The following DEPDC4 variants were observed in gnomAD, a reference collection of about 807,000 sequenced individuals.
The protein encoded by DEPDC4 is DEP domain containing 4.
Under a neutral mutation model 52.0 loss-of-function variants are expected in DEPDC4, and 52 were observed. The observed-to-expected ratio is 1.00, with a 90% CI of 0.80 to 1.26. The LOEUF is 1.26. DEPDC4 is among the 50% of genes most tolerant of loss of function. The probability of loss-of-function intolerance (pLI) is 0.00; values close to 1 mark genes in which losing one functional copy is unlikely to be tolerated. For synonymous variants in DEPDC4, 201 were observed against 196.8 expected (o/e 1.02, Z -0.18); for missense variants, 530 against 546.9 (o/e 0.97, Z 0.31).
At chr12:100,262,529 G>A (rs2096257318) in intron 2 of DEPDC4, 120 bp from the exon 3 acceptor site, 4 of 713,696 alleles carry the variant, frequency 5.6e-6, no homozygotes, top group Non-Finnish European at 8.2e-6. Context: ...ACGATTTCAG[G>A]CAGCTTATAA....
chr12:100,241,888 C>G, intron 9 of DEPDC4, 43 bp from the exon 10 acceptor site: 2 of 1,148,060 alleles, frequency 1.7e-6, no homozygotes, highest in Non-Finnish European at 2.2e-6. Flanking sequence ...AAAAGTACCA[C>G]TGGAAAAGCA....
intron 9 of DEPDC4, among the ~76,000 whole-genome samples, chr12:100,232,909 A>ACAAAG (rs1252314911): frequency 1.3e-5 from 2 of 150,368 alleles, no homozygotes; most frequent in African/African-American, 2.5e-5. Context: ...ACAAAACAAA[A>ACAAAG]CAAACACAAA....
chr12:100,275,457 A>G, the DEPDC4 span, among the ~76,000 whole-genome samples: 1 of 152,168 alleles, frequency 6.6e-6, no homozygotes, highest in Non-Finnish European at 1.5e-5. Context: ...CAGCCTCCCA[A>G]GGTGCTGGGA....
chr12:100,259,241 C>T (rs1302641445), intron 3 of DEPDC4, among the ~76,000 whole-genome samples: 1 of 152,022 alleles, frequency 6.6e-6, no homozygotes, highest in African/African-American at 2.4e-5. Context: ...AAGGCAGACA[C>T]CAGGATGACA....
Position 100,241,703 on chromosome 12 carries a change from T to C in DEPDC4, c.*189A>G. Reference sequence around the variant, plus strand: ...AAGCTTCTGGATGGTGTTTTTGAAATTCCTTAATTAATTTCTTTTTTCGTT... The same window carrying C: ...AAGCTTCTGGATGGTGTTTTTGAAACTCCTTAATTAATTTCTTTTTTCGTT... On this transcript the variant is annotated 3_prime_UTR_variant, in exon 10 of 10. Coordinates refer to ENST00000550587, the MANE Select transcript of DEPDC4 (RefSeq NM_001364818.2). 1.6e-6 allele frequency: 2 copies of C among 1,256,638 alleles called. No homozygotes were observed. Among genetic ancestry groups the C allele is most frequent in the Non-Finnish European group, 2.0e-6 (2 of 975,998 alleles). The allele number at this position is 1,256,638 out of a possible 1,614,324, so 77.8% of individuals were successfully genotyped here.
chr12:100,255,884 G>A lies in DEPDC4; in HGVS notation c.878+165C>T, dbSNP rs1268216621. The A allele has an allele frequency of 2.9e-5, 15 of 513,558 alleles. No individual in the cohort carries two copies. In the East Asian group the frequency reaches 4.6e-4, roughly 16 times the overall value. 31.8% of individuals were successfully genotyped at this position (513,558 alleles called of 1,614,324 possible). ...GATTTCCAGTGATCTTATAGGTCATGACCAATGGCTTTATTAGATCAAATG... is the reference window on the plus strand; with the variant it reads ...GATTTCCAGTGATCTTATAGGTCATAACCAATGGCTTTATTAGATCAAATG... On this transcript the variant is annotated intron_variant, in intron 4 of 9. Coordinates refer to ENST00000550587, the MANE Select transcript of DEPDC4 (RefSeq NM_001364818.2).
chr12:100,236,379 A>G (rs2096141414), downstream of DEPDC4, among the ~76,000 whole-genome samples: 3 of 151,794 alleles, frequency 2.0e-5, no homozygotes, highest in African/African-American at 7.3e-5. Flanking sequence ...TTCTATTATG[A>G]CCATTCTGTG....
intron 1 of DEPDC4, 37 bp from the exon 2 acceptor site, chr12:100,263,930 G>C (rs202076927): frequency 6.4e-7 from 1 of 1,553,910 alleles, no homozygotes; most frequent in Non-Finnish European, 8.7e-7. Flanking sequence ...AACAAATCTA[G>C]ATTATACAAA....
rs1396132107 is a variant in DEPDC4 at position 100,241,546 on chromosome 12, T to TA, written c.*345dup. 3 of 640,926 alleles carry TA rather than the reference T, an allele frequency of 4.7e-6. No individual in the cohort carries two copies. Among genetic ancestry groups the TA allele is most frequent in the Admixed American group, 1.0e-4 (2 of 19,336 alleles). The allele number at this position is 640,926 out of a possible 1,614,324, so 39.7% of individuals were successfully genotyped here. On this transcript the variant is annotated 3_prime_UTR_variant, in exon 10 of 10. Transcript: ENST00000550587. ...GACCCCTGTCTCTACAAAATAAAAA[T>TA]AAAAAATAAAACACTTAAAATCCTT...
chr12:100,267,263 G>T (rs185811642), upstream of DEPDC4: 620 of 614,226 alleles, frequency 1.0e-3, 2 homozygotes, highest in Middle Eastern at 0.013. Flanking sequence ...GCGGCCGCGG[G>T]GGCGGCGGAG....
chr12:100,258,608 G>A (rs1352783896), intron 3 of DEPDC4, among the ~76,000 whole-genome samples: 6 of 152,140 alleles, frequency 3.9e-5, no homozygotes, highest in African/African-American at 1.4e-4. Flanking sequence ...AATGGCTTTA[G>A]TCTTTTTTCC....
chr12:100,275,332 G>T, the DEPDC4 span, among the ~76,000 whole-genome samples: 1 of 151,972 alleles, frequency 6.6e-6, no homozygotes, highest in Non-Finnish European at 1.5e-5. Context: ...CTACTGAGTA[G>T]CTGGGACTGC....
chr12:100,278,078 T>C, the DEPDC4 span, among the ~76,000 whole-genome samples: 2 of 152,230 alleles, frequency 1.3e-5, no homozygotes, highest in Admixed American at 1.3e-4. Flanking sequence ...TACATTTTTA[T>C]TATTTTTGCT....
intron 9 of DEPDC4, 112 bp downstream of exon 9, chr12:100,242,374 T>C (rs192239049): frequency 2.7e-5 from 4 of 149,770 alleles, no homozygotes; most frequent in African/African-American, 7.4e-5. Context: ...GATACACCTA[T>C]GGAAATAGCC....
rs552577576 is a variant in DEPDC4 at position 100,257,381 on chromosome 12, TTTTA to T, written c.701-1159_701-1156del. Among the ~76,000 whole-genome samples, 1,424 of 151,640 alleles carry T rather than the reference TTTTA, an allele frequency of 9.4e-3. 25 individuals are homozygous for T. The highest frequency in any genetic ancestry group is 0.032 in the African/African-American group (1,325 of 41,302). On this transcript the variant is annotated intron_variant, in intron 3 of 9. Coordinates refer to ENST00000550587, the MANE Select transcript of DEPDC4 (RefSeq NM_001364818.2). ...GCGTGAGCCACTGTGCCCAGCCTGTTTTTATTTATTTATTTATTTTTTGAGATGG... is the reference window on the plus strand; with the variant it reads ...GCGTGAGCCACTGTGCCCAGCCTGTTTTTATTTATTTATTTTTTGAGATGG...
upstream of DEPDC4, among the ~76,000 whole-genome samples, chr12:100,271,457 A>G (rs2096287628): frequency 6.6e-6 from 1 of 152,216 alleles, no homozygotes; most frequent in African/African-American, 2.4e-5. Flanking sequence ...ACAAAAATTC[A>G]TTGAATAACT....
chr12:100,277,876 TTTG>T, the DEPDC4 span, among the ~76,000 whole-genome samples: 3 of 152,142 alleles, frequency 2.0e-5, no homozygotes, highest in Non-Finnish European at 2.9e-5. Flanking sequence ...ACTTTATTAT[TTTG>T]TTGTTATTTT....
chr12:100,271,548 T>G (rs2096287736), upstream of DEPDC4, among the ~76,000 whole-genome samples: 1 of 152,270 alleles, frequency 6.6e-6, no homozygotes, highest in Non-Finnish European at 1.5e-5. Flanking sequence ...CTTTAAGGGA[T>G]AAAGCAAACT....
intron 3 of DEPDC4, chr12:100,261,883 G>C (rs139597933): frequency 3.5e-4 from 152 of 436,668 alleles, no homozygotes; most frequent in Non-Finnish European, 5.9e-4. Context: ...TTAGAGAGAA[G>C]GGAGGAATGA....
Sources: allele counts gnomAD v4.1 joint callset (sites outside exome capture counted in the v4.1 genomes callset), GRCh38; gene constraint gnomAD v4.1.1; transcripts MANE v1.5; gene names NCBI Gene and HGNC (gene_info 2026-07-23, HGNC 2026-07-21).